Variants in KLF8 observed in about 807,000 individuals in gnomAD.
KLF8 encodes the protein KLF transcription factor 8.
In KLF8, 10 loss-of-function variants were observed where a neutral mutation model predicts 18.2. The ratio of observed to expected loss-of-function variants is 0.55; its 90% CI spans 0.34 to 0.93. The LOEUF (loss-of-function observed/expected upper bound fraction) is 0.93. Among genes scored for constraint, KLF8 ranks in the 40% least tolerant of loss-of-function variants. The pLI, the probability that KLF8 is intolerant of heterozygous loss-of-function variation, is 0.02. For missense variants in KLF8, 264 were observed against 277.9 expected, an observed-to-expected ratio of 0.95 and a Z score of 0.36; for synonymous variants, 109 against 97.3, an observed-to-expected ratio of 1.12 and a Z score of -0.71.
the KLF8 span, among the ~76,000 whole-genome samples, chrX:56,067,509 A>C: frequency 9.0e-6 from 1 of 111,163 alleles, no homozygotes; most frequent in Admixed American, 9.5e-5. Flanking sequence ...AGGGCTAGTG[A>C]GCACTAACTC....
the KLF8 span, among the ~76,000 whole-genome samples, chrX:56,171,650 G>C: frequency 9.0e-6 from 1 of 111,245 alleles, no homozygotes; most frequent in African/African-American, 3.3e-5. Flanking sequence ...GTGATGGTTT[G>C]CTCAGAATGA....
chrX:56,100,162 G>A, the KLF8 span, among the ~76,000 whole-genome samples: 2 of 110,984 alleles, frequency 1.8e-5, no homozygotes, highest in Non-Finnish European at 3.8e-5. Context: ...GAACCCAAGG[G>A]CTCTTAAGAA....
the KLF8 span, among the ~76,000 whole-genome samples, chrX:56,189,181 G>A: frequency 9.0e-6 from 1 of 111,166 alleles, no homozygotes; most frequent in East Asian, 2.8e-4. Context: ...AAGAAAAAAA[G>A]CAAACAACCC....
At chrX:55,979,189 G>A in the KLF8 span, among the ~76,000 whole-genome samples, 1 of 111,709 alleles carries the variant, frequency 9.0e-6, no homozygotes, top group African/African-American at 3.3e-5. Context: ...AATATTAAGT[G>A]GAAAATTCCA....
chrX:56,167,418 C>G, the KLF8 span, among the ~76,000 whole-genome samples: 1 of 112,140 alleles, frequency 8.9e-6, no homozygotes, highest in Non-Finnish European at 1.9e-5. Context: ...TGCAAGCCAC[C>G]ACGCCTGGCC....
At chrX:55,939,754 G>A in the KLF8 span, among the ~76,000 whole-genome samples, 2 of 111,685 alleles carry the variant, frequency 1.8e-5, no homozygotes, top group Admixed American at 9.5e-5. Context: ...ACACCTCCAC[G>A]CAAATAAACT....
chrX:56,094,690 C>A, the KLF8 span, among the ~76,000 whole-genome samples: 5 of 110,894 alleles, frequency 4.5e-5, no homozygotes, highest in Non-Finnish European at 7.6e-5. Flanking sequence ...CCAAGAGAGA[C>A]CACAATCTGG....
the KLF8 span, among the ~76,000 whole-genome samples, chrX:56,069,787 G>A: frequency 9.0e-5 from 10 of 111,122 alleles, no homozygotes; most frequent in East Asian, 1.1e-3. Flanking sequence ...CCTGCCCAGC[G>A]GTCTTGCCCA....
chrX:56,145,528 A>G, the KLF8 span, among the ~76,000 whole-genome samples: 2 of 112,635 alleles, frequency 1.8e-5, no homozygotes, highest in Middle Eastern at 4.6e-3. Context: ...ACTATTCGCA[A>G]TAACCAAAAA....
the KLF8 span, among the ~76,000 whole-genome samples, chrX:56,160,839 A>G: frequency 0.012 from 1,349 of 111,184 alleles, 63 homozygotes; most frequent in Admixed American, 0.11. Flanking sequence ...TTGACTCTTT[A>G]TCCAATTTGC....
chrX:56,084,193 A>T, the KLF8 span, among the ~76,000 whole-genome samples: 6 of 111,038 alleles, frequency 5.4e-5, no homozygotes, highest in Non-Finnish European at 1.1e-4. Context: ...CACCTGGGCA[A>T]TATAGGGAGA....
the KLF8 span, among the ~76,000 whole-genome samples, chrX:56,194,628 G>A: frequency 3.6e-5 from 4 of 112,673 alleles, no homozygotes; most frequent in East Asian, 1.1e-3. Flanking sequence ...TCTGTGGGCA[G>A]GACATAGCTA....
At chrX:56,012,266 A>G in the KLF8 span, among the ~76,000 whole-genome samples, 1 of 112,007 alleles carries the variant, frequency 8.9e-6, no homozygotes, top group Non-Finnish European at 1.9e-5. Flanking sequence ...CCTACCCACC[A>G]CAATCAAGTT....
the KLF8 span, among the ~76,000 whole-genome samples, chrX:56,022,212 T>C: frequency 1.8e-5 from 2 of 110,585 alleles, no homozygotes. Flanking sequence ...CTCTAGAAAT[T>C]AACCAAAGGC....
chrX:56,076,664 G>A, the KLF8 span, among the ~76,000 whole-genome samples: 1 of 111,588 alleles, frequency 9.0e-6, no homozygotes, highest in East Asian at 2.8e-4. Flanking sequence ...CCAGTAATGG[G>A]ATGGCTGGGT....
chrX:56,042,875 G>A, the KLF8 span, among the ~76,000 whole-genome samples: 2 of 111,558 alleles, frequency 1.8e-5, no homozygotes, highest in Non-Finnish European at 3.8e-5. Context: ...GACGCTAGCT[G>A]GTTACTTTGC....
At chrX:56,003,160 G>A in the KLF8 span, among the ~76,000 whole-genome samples, 1 of 111,168 alleles carries the variant, frequency 9.0e-6, no homozygotes, top group African/African-American at 3.3e-5. Context: ...CGAGGCCAAG[G>A]CAGGCAGATC....
the KLF8 span, among the ~76,000 whole-genome samples, chrX:55,964,822 C>T: frequency 9.0e-6 from 1 of 111,315 alleles, no homozygotes; most frequent in Non-Finnish European, 1.9e-5. Flanking sequence ...TCGTGAATTC[C>T]TGGAAATACA....
At chrX:56,052,476 T>G in the KLF8 span, among the ~76,000 whole-genome samples, 1 of 112,048 alleles carries the variant, frequency 8.9e-6, no homozygotes, top group Admixed American at 9.4e-5. Context: ...TTTGTTAGTT[T>G]TCCTTCTAAC....
Sources: gnomAD v4.1 joint callset for allele counts (sites outside exome capture counted in the v4.1 genomes callset) on GRCh38, gnomAD v4.1.1 for gene constraint, MANE v1.5 for transcripts, NCBI Gene and HGNC (gene_info 2026-07-23, HGNC 2026-07-21) for gene names.